The following SSBP3 variants were observed in gnomAD, a reference collection of about 807,000 sequenced individuals.
The protein encoded by SSBP3 is single stranded DNA binding protein 3, also known as single-stranded DNA-binding protein 3.
In SSBP3, 5 loss-of-function variants were observed where a neutral mutation model predicts 69.6. That is an observed-to-expected ratio of 0.07 (90% CI 0.04 to 0.15). SSBP3 has a LOEUF of 0.15. SSBP3 is among the 10% of genes least tolerant of loss of function. The probability of loss-of-function intolerance (pLI) is 1.00; values close to 1 mark genes in which losing one functional copy is unlikely to be tolerated. For synonymous variants in SSBP3, 196 were observed against 193.4 expected (o/e 1.01, Z -0.11); for missense variants, 312 against 534.0 (o/e 0.58, Z 4.10).
At chr1:54,354,537 T>A (rs1470468810) in intron 4 of SSBP3, among the ~76,000 whole-genome samples, 1 of 151,928 alleles carries the variant, frequency 6.6e-6, no homozygotes, top group Non-Finnish European at 1.5e-5. Context: ...GGCGTTCACA[T>A]CTAACGTGGG....
chr1:54,286,726 G>A (rs535039609), intron 4 of SSBP3: 2 of 152,384 alleles, frequency 1.3e-5, no homozygotes, highest in African/African-American at 4.8e-5. Context: ...GGAGAAGCAG[G>A]GTTCAAACAG....
In SSBP3 at chr1:54,258,623, C is replaced by T. The variant is rs1353790177; in HGVS notation, c.367-474G>A. Among the ~76,000 whole-genome samples the T allele has an allele frequency of 6.6e-6, 1 of 152,094 alleles. No individual in the cohort carries two copies. Among genetic ancestry groups the T allele is most frequent in the Admixed American group, 6.5e-5 (1 of 15,270 alleles). On this transcript the variant is annotated intron_variant, in intron 5 of 17. Transcript: ENST00000610401. The surrounding 1 kb of genome is among the most constrained non-coding windows in gnomAD (Gnocchi z 4.5). The stretch of plus-strand genomic sequence containing the variant: ...GCTCACAGTCTGGGGGACAGTGACA[C>T]GGCTATGGGTGACTCGAGGCAGTAC...
chr1:54,347,469 G>A (rs923518451), intron 4 of SSBP3, among the ~76,000 whole-genome samples: 2 of 151,822 alleles, frequency 1.3e-5, no homozygotes, highest in African/African-American at 4.8e-5. Context: ...CCACAGTGCT[G>A]GGATTACAGG....
chr1:54,373,276 C>T (rs1237729957), intron 4 of SSBP3, among the ~76,000 whole-genome samples: 1 of 152,152 alleles, frequency 6.6e-6, no homozygotes, highest in African/African-American at 2.4e-5. Flanking sequence ...TTTCAACAGC[C>T]TCTGGGGCCC....
chr1:54,358,974 A>G (rs963117173), intron 4 of SSBP3, among the ~76,000 whole-genome samples: 2 of 152,212 alleles, frequency 1.3e-5, no homozygotes, highest in East Asian at 1.9e-4. Context: ...TCCACCCGCC[A>G]CACTTCTCCC....
At chr1:54,247,445 C>T (rs1221845793) in intron 9 of SSBP3, among the ~76,000 whole-genome samples, 2 of 152,196 alleles carry the variant, frequency 1.3e-5, no homozygotes, top group East Asian at 3.9e-4. Context: ...TCAAGGGGCC[C>T]TTTTCCTTCC....
In SSBP3 at chr1:54,258,549, G is replaced by C. The variant is rs1237654200; in HGVS notation, c.367-400C>G. On this transcript the variant is annotated intron_variant, in intron 5 of 17. Transcript: ENST00000610401. The surrounding 1 kb of genome is among the most constrained non-coding windows in gnomAD (Gnocchi z 4.5). ...CCCAGGTGCAAAGCACGTAGGTGCC[G>C]CTTGCACGGGAGGTGGGGAAAGATC... 6.6e-6 allele frequency among the ~76,000 whole-genome samples: 1 copy of C among 152,188 alleles called. No homozygotes were observed. The highest frequency in any genetic ancestry group is 6.5e-5 in the Admixed American group (1 of 15,288).
chr1:54,294,524 G>A (rs1264374730), intron 4 of SSBP3, among the ~76,000 whole-genome samples: 1 of 152,174 alleles, frequency 6.6e-6, no homozygotes, highest in Non-Finnish European at 1.5e-5. Context: ...TAGCTCCAAG[G>A]AAGGACAAAA....
intron 4 of SSBP3, among the ~76,000 whole-genome samples, chr1:54,365,013 A>G (rs1430208093): frequency 2.0e-5 from 3 of 152,182 alleles, no homozygotes; most frequent in African/African-American, 7.2e-5. Context: ...GGAAATGCAG[A>G]TGGAGAGGCC....
chr1:54,235,447 G>GTTTTTTTT (rs1644472595), intron 14 of SSBP3, among the ~76,000 whole-genome samples: 1 of 112,694 alleles, frequency 8.9e-6, no homozygotes. Flanking sequence ...ATGCCCGGCT[G>GTTTTTTTT]ATTTTTTTTT....
chr1:54,243,222 G>GT lies in SSBP3; in HGVS notation c.716+12dup. On this transcript the variant is annotated intron_variant, in intron 10 of 17. Transcript: ENST00000610401. ...TGGACTCTGAGCCACGGGCCGGGTC[G>GT]TTTTTGCCTTACATGTTAATCCCGG... 6.2e-7 allele frequency: 1 copy of GT among 1,613,500 alleles called. No individual in the cohort carries two copies. Among genetic ancestry groups the GT allele is most frequent in the South Asian group, 1.1e-5 (1 of 91,070 alleles).
intron 4 of SSBP3, among the ~76,000 whole-genome samples, chr1:54,373,378 G>A (rs1213362350): frequency 6.6e-6 from 1 of 152,156 alleles, no homozygotes; most frequent in Admixed American, 6.5e-5. Flanking sequence ...TCTAGTTACA[G>A]AGTTGAGAAG....
intron 4 of SSBP3, among the ~76,000 whole-genome samples, chr1:54,331,945 A>C (rs894981853): frequency 8.5e-5 from 13 of 152,224 alleles, no homozygotes; most frequent in African/African-American, 2.4e-4. Context: ...ACAACAGGTC[A>C]GTGTGGCTCT....
chr1:54,411,042 C>T (rs1649976563), upstream of SSBP3, among the ~76,000 whole-genome samples: 1 of 152,248 alleles, frequency 6.6e-6, no homozygotes, highest in African/African-American at 2.4e-5. Context: ...CGGACACATA[C>T]TTCTCCTGAG....
chr1:54,233,191 C>T (rs1285175396), intron 14 of SSBP3, among the ~76,000 whole-genome samples: 1 of 151,838 alleles, frequency 6.6e-6, no homozygotes, highest in Non-Finnish European at 1.5e-5. Flanking sequence ...CTCTGCCCGG[C>T]CACCCATCGT....
intron 7 of SSBP3, among the ~76,000 whole-genome samples, chr1:54,256,672 C>T (rs148682802): frequency 3.9e-4 from 60 of 152,328 alleles, no homozygotes; most frequent in Middle Eastern, 6.8e-3. Context: ...AGCATTCCTA[C>T]GGGCCATTTC....
intron 4 of SSBP3, among the ~76,000 whole-genome samples, chr1:54,291,830 C>A (rs1645613976): frequency 6.6e-6 from 1 of 152,254 alleles, no homozygotes; most frequent in African/African-American, 2.4e-5. Flanking sequence ...GCCCTCCACG[C>A]CCAGCTGTCA....
At chr1:54,368,652 A>G (rs1202902996) in intron 4 of SSBP3, among the ~76,000 whole-genome samples, 2 of 152,118 alleles carry the variant, frequency 1.3e-5, no homozygotes, top group Non-Finnish European at 2.9e-5. Context: ...ACCCTAGTAC[A>G]CTAGAAACTC....
At chr1:54,286,638 C>T (rs1645494756) in intron 4 of SSBP3, 2 of 152,448 alleles carry the variant, frequency 1.3e-5, no homozygotes, top group Admixed American at 1.3e-4. Context: ...TCAGCAATCC[C>T]ACTCCGTAAG....
Sources: allele counts gnomAD v4.1 joint callset (sites outside exome capture counted in the v4.1 genomes callset), GRCh38; gene constraint gnomAD v4.1.1; non-coding constraint Gnocchi (gnomAD v3.1); transcripts MANE v1.5; gene names NCBI Gene and HGNC (gene_info 2026-07-23, HGNC 2026-07-21).